Variants in PRKAA1 observed in about 807,000 individuals in gnomAD.
PRKAA1 encodes the protein protein kinase AMP-activated catalytic subunit alpha 1, also known as 5'-AMP-activated protein kinase catalytic subunit alpha-1.
PRKAA1 carries 23 observed loss-of-function variants against 56.9 expected under a neutral mutation model. That is an observed-to-expected ratio of 0.40 (90% CI 0.29 to 0.57). The LOEUF (loss-of-function observed/expected upper bound fraction) is 0.57. PRKAA1 is among the 20% of genes least tolerant of loss of function. PRKAA1 has a pLI of 0.39. For missense variants in PRKAA1, 413 were observed against 679.7 expected, an observed-to-expected ratio of 0.61 and a Z score of 4.36; for synonymous variants, 226 against 227.0, an observed-to-expected ratio of 1.00 and a Z score of 0.04.
intron 1 of PRKAA1, among the ~76,000 whole-genome samples, chr5:40,796,193 G>A (rs1231514929): frequency 6.6e-6 from 1 of 152,048 alleles, no homozygotes; most frequent in African/African-American, 2.4e-5. Context: ...GTGGGCGCCT[G>A]TAATTCCAGC....
At chr5:40,774,901 T>C in intron 3 of PRKAA1, 1 of 1,548,820 alleles carries the variant, frequency 6.5e-7, no homozygotes, top group South Asian at 1.1e-5. Flanking sequence ...TCCTTCCAGC[T>C]GTAAATTCTT....
chr5:40,797,970 G>A, intron 1 of PRKAA1, 93 bp downstream of exon 1: 1 of 1,539,340 alleles, frequency 6.5e-7, no homozygotes. Context: ...GGAAAGAAGG[G>A]ACGCAGCGGG....
chr5:40,783,430 T>G (rs1469594837), intron 1 of PRKAA1, among the ~76,000 whole-genome samples: 1 of 152,120 alleles, frequency 6.6e-6, no homozygotes, highest in East Asian at 1.9e-4. Context: ...CTTTTTGAAT[T>G]TTACTTGCTG....
intron 4 of PRKAA1, among the ~76,000 whole-genome samples, chr5:40,770,318 T>A (rs1743675622): frequency 6.6e-6 from 1 of 151,846 alleles, no homozygotes; most frequent in South Asian, 2.1e-4. Context: ...AAAAAAAACA[T>A]AGCTGCATGT....
chr5:40,762,491 T>G lies in PRKAA1; in HGVS notation c.*287A>C, dbSNP rs545630791. 5 of 329,228 alleles carry G rather than the reference T, an allele frequency of 1.5e-5. No individual in the cohort carries two copies. The Admixed American group carries it at 2.2e-4, about 14-fold the overall frequency. The allele number at this position is 329,228 out of a possible 1,614,324, so 20.4% of individuals were successfully genotyped here. On this transcript the variant is annotated 3_prime_UTR_variant, in exon 9 of 9. Coordinates refer to ENST00000397128, the MANE Select transcript of PRKAA1 (RefSeq NM_006251.6). ...TGTAAATTAATATTTCAAAGCCCTG[T>G]GTACACTAAATATAAAATAGCCAAA...
At chr5:40,764,694 T>G in intron 7 of PRKAA1, 54 bp from the exon 8 acceptor site, 1 of 1,605,130 alleles carries the variant, frequency 6.2e-7, no homozygotes. Context: ...TATAAAACAT[T>G]TTATAGACTA....
intron 1 of PRKAA1, among the ~76,000 whole-genome samples, chr5:40,795,088 G>T (rs1744869863): frequency 6.6e-6 from 1 of 151,936 alleles, no homozygotes; most frequent in South Asian, 2.1e-4. Context: ...CATTTGCAGT[G>T]ACTTGGATAA....
intron 3 of PRKAA1, among the ~76,000 whole-genome samples, chr5:40,772,315 T>C (rs1336594232): frequency 2.0e-5 from 3 of 152,136 alleles, no homozygotes; most frequent in Non-Finnish European, 4.4e-5. Context: ...TTGATGAAAA[T>C]AGACTAATAA....
At chr5:40,773,276 TG>T (rs1471147462) in intron 3 of PRKAA1, among the ~76,000 whole-genome samples, 1 of 151,814 alleles carries the variant, frequency 6.6e-6, no homozygotes, top group Non-Finnish European at 1.5e-5. Flanking sequence ...TGTAGGTTCA[TG>T]GGGAAAAAAA....
chr5:40,794,101 CA>C (rs34697780), intron 1 of PRKAA1, among the ~76,000 whole-genome samples: 277 of 139,418 alleles, frequency 2.0e-3, no homozygotes, highest in Middle Eastern at 3.6e-3. Flanking sequence ...AAACTGTCTC[CA>C]AAAAAAAAAA....
At chr5:40,764,433 A>G in intron 8 of PRKAA1, 81 bp downstream of exon 8, 1 of 1,342,204 alleles carries the variant, frequency 7.5e-7, no homozygotes, top group Non-Finnish European at 1.0e-6. Flanking sequence ...GAACAAGTCA[A>G]GAAGCCTCAA....
chr5:40,770,720 T>C (rs992603255), intron 4 of PRKAA1, among the ~76,000 whole-genome samples: 6 of 149,478 alleles, frequency 4.0e-5, no homozygotes, highest in African/African-American at 1.2e-4. Context: ...GCCTCCAGGG[T>C]AGTGGGGACT....
rs113511669 is a variant in PRKAA1 at position 40,777,087 on chromosome 5, A to G, written c.269+358T>C. 1,603 of 162,228 alleles carry G rather than the reference A, an allele frequency of 9.9e-3. 22 individuals carry two copies. Among genetic ancestry groups the G allele is most frequent in the African/African-American group, 0.033 (1,368 of 41,734 alleles). The allele number at this position is 162,228 out of a possible 1,614,324, so 10.0% of individuals were successfully genotyped here. On this transcript the variant is annotated intron_variant, in intron 2 of 8. Transcript: ENST00000397128. ...GAGTGCAATGGCACGATCTCAGCTC[A>G]CTGCAACCTCCGCCTCCCAGGTTCA...
At chr5:40,791,643 A>G (rs1702797091) in intron 1 of PRKAA1, among the ~76,000 whole-genome samples, 1 of 152,232 alleles carries the variant, frequency 6.6e-6, no homozygotes, top group Admixed American at 6.5e-5. Context: ...TCCCACTTTA[A>G]AATTGAAAGA....
At chr5:40,767,080 A>C (rs1743494492) in intron 6 of PRKAA1, among the ~76,000 whole-genome samples, 1 of 152,196 alleles carries the variant, frequency 6.6e-6, no homozygotes, top group South Asian at 2.1e-4. Flanking sequence ...TATGTTACCC[A>C]GGCTGGTCTC....
chr5:40,771,569 G>T, intron 4 of PRKAA1, 150 bp downstream of exon 4: 2 of 698,610 alleles, frequency 2.9e-6, no homozygotes, highest in Non-Finnish European at 2.2e-6. Flanking sequence ...TCTTCTTTTT[G>T]TATCTTCATA....
At chr5:40,770,794 T>A (rs1743710160) in intron 4 of PRKAA1, among the ~76,000 whole-genome samples, 1 of 151,734 alleles carries the variant, frequency 6.6e-6, no homozygotes, top group Non-Finnish European at 1.5e-5. Flanking sequence ...TTTCACCATG[T>A]TGGCCAGGCT....
At chr5:40,797,602 T>G (rs970365470) in intron 1 of PRKAA1, among the ~76,000 whole-genome samples, 1 of 152,080 alleles carries the variant, frequency 6.6e-6, no homozygotes, top group African/African-American at 2.4e-5. Flanking sequence ...ATCGACAGCC[T>G]CCTACAGAGG....
At chr5:40,793,869 G>A (rs1423565941) in intron 1 of PRKAA1, among the ~76,000 whole-genome samples, 5 of 152,170 alleles carry the variant, frequency 3.3e-5, no homozygotes, top group African/African-American at 4.8e-5. Context: ...GGGAGGCCGA[G>A]GCGGGTGGGA....
Sources: allele counts gnomAD v4.1 joint callset (sites outside exome capture counted in the v4.1 genomes callset), GRCh38; gene constraint gnomAD v4.1.1; transcripts MANE v1.5; gene names NCBI Gene and HGNC (gene_info 2026-07-23, HGNC 2026-07-21).